PDE7B: variants seen among roughly 807,000 people sequenced by gnomAD.
PDE7B encodes the protein 3',5'-cyclic-AMP phosphodiesterase 7B.
A neutral mutation model predicts 56.2 loss-of-function variants in PDE7B; 29 were observed. The observed-to-expected ratio is 0.52, with a 90% CI of 0.38 to 0.70. The LOEUF is 0.70. Among genes scored for constraint, PDE7B ranks in the 30% least tolerant of loss-of-function variants. The pLI is 0.00. For missense variants in PDE7B, 490 were observed against 565.0 expected (o/e 0.87, Z 1.35); for synonymous variants, 197 against 196.9 (o/e 1.00, Z 0.00).
At chr6:136,115,410 T>C (rs1562496780) in intron 3 of PDE7B, among the ~76,000 whole-genome samples, 2 of 152,094 alleles carry the variant, frequency 1.3e-5, no homozygotes, top group South Asian at 4.2e-4. Flanking sequence ...AAAATACGCT[T>C]TAAGACTTAA....
chr6:135,871,646 TCTTAG>T (rs1775382265), intron 1 of PDE7B, among the ~76,000 whole-genome samples: 1 of 152,210 alleles, frequency 6.6e-6, no homozygotes, highest in Admixed American at 6.5e-5. Context: ...GGAAATCTAC[TCTTAG>T]CTTTGACAGC....
intron 3 of PDE7B, among the ~76,000 whole-genome samples, chr6:136,132,962 A>G (rs1778143467): frequency 6.6e-6 from 1 of 152,188 alleles, no homozygotes; most frequent in African/African-American, 2.4e-5. Flanking sequence ...ATCTCAATGC[A>G]CAGGTAAATT....
chr6:135,865,657 GGAGAGA>G lies in PDE7B; in HGVS notation c.21+13651_21+13656del, dbSNP rs138434061. ...TGTGTGTGTGTGTGTGTGTATGTGT[GGAGAGA>G]GAGAGAGAGAGACAGAGACAGAGAA... On this transcript the variant is annotated intron_variant, in intron 1 of 12. Transcript: ENST00000308191. Among the ~76,000 whole-genome samples the G allele has an allele frequency of 2.7e-5, 4 of 146,740 alleles. No homozygotes were observed. In the South Asian group the frequency reaches 8.5e-4, roughly 31 times the overall value.
chr6:136,007,465 A>T (rs1306005762), intron 2 of PDE7B, among the ~76,000 whole-genome samples: 1 of 152,068 alleles, frequency 6.6e-6, no homozygotes, highest in East Asian at 1.9e-4. Flanking sequence ...ATTTCTTCCC[A>T]GTTTATTATT....
Position 136,181,332 on chromosome 6 carries a change from T to C in PDE7B, c.1045+9T>C. 1.3e-6 allele frequency: 2 copies of C among 1,524,210 alleles called. No homozygotes were observed. The highest frequency in any genetic ancestry group is 1.8e-6 in the Non-Finnish European group (2 of 1,098,186). 94.4% of individuals were successfully genotyped at this position (1,524,210 alleles called of 1,614,324 possible). On this transcript the variant is annotated intron_variant, in intron 11 of 12. Coordinates refer to ENST00000308191, the MANE Select transcript of PDE7B (RefSeq NM_018945.4). Reference sequence around the variant, plus strand: ...AGAATTCTACAGGCAAGGTTAGTAGTGATCCAACAGCTGAGATTTCATTGC... The same window carrying C: ...AGAATTCTACAGGCAAGGTTAGTAGCGATCCAACAGCTGAGATTTCATTGC...
rs192674309 is a variant in PDE7B at position 136,022,091 on chromosome 6, C to T, written c.82+74567C>T. 1.2e-4 allele frequency among the ~76,000 whole-genome samples: 18 copies of T among 152,310 alleles called. No homozygotes were observed. In the East Asian group the frequency reaches 3.3e-3, roughly 28 times the overall value. On this transcript the variant is annotated intron_variant, in intron 2 of 12. Coordinates refer to ENST00000308191, the MANE Select transcript of PDE7B (RefSeq NM_018945.4). ...AAGGGTTGCTTTTTCTGCCTCAAGT[C>T]CTCTTCCGCCAAATCTCTGCCTGGT... is the stretch of plus-strand genomic sequence containing the variant.
At chr6:136,056,772 T>C (rs1776742893) in intron 2 of PDE7B, among the ~76,000 whole-genome samples, 1 of 152,056 alleles carries the variant, frequency 6.6e-6, no homozygotes, top group Non-Finnish European at 1.5e-5. Context: ...CTTCAGGTGA[T>C]CCACCTGCCT....
intron 8 of PDE7B, 30 bp from the exon 9 acceptor site, chr6:136,173,767 A>C (rs1474988310): frequency 1.4e-6 from 2 of 1,433,666 alleles, no homozygotes. Context: ...CTTCCCTCTC[A>C]TTTATAACTC....
rs1436649469 is a variant in PDE7B, at chr6:135,935,190, T to TTTTATATATATATA, written c.22-12273_22-12272insTTATATATATATAT. Among the ~76,000 whole-genome samples, 79 of 36,186 alleles carry TTTTATATATATATA rather than the reference T, an allele frequency of 2.2e-3. 4 individuals carry two copies. The highest frequency in any genetic ancestry group is 8.7e-3 in the African/African-American group (73 of 8,352). The allele number at this position is 36,186 out of a possible 152,430, so 23.7% of individuals were successfully genotyped here. On this transcript the variant is annotated intron_variant, in intron 1 of 12. Coordinates refer to ENST00000308191, the MANE Select transcript of PDE7B (RefSeq NM_018945.4). The stretch of plus-strand genomic sequence containing the variant: ...GAGAATTTTATATATATATATTTAT[T>TTTTATATATATATA]TATATATATATATATATATATATAT...
intron 2 of PDE7B, among the ~76,000 whole-genome samples, chr6:136,012,998 C>T (rs1218481082): frequency 6.6e-6 from 1 of 152,060 alleles, no homozygotes; most frequent in Non-Finnish European, 1.5e-5. Context: ...ACAAGACCAC[C>T]AGACGAAAGC....
At chr6:136,072,208 C>T (rs1209360410) in intron 2 of PDE7B, among the ~76,000 whole-genome samples, 2 of 151,916 alleles carry the variant, frequency 1.3e-5, no homozygotes, top group Non-Finnish European at 2.9e-5. Context: ...ATGGGGAAAA[C>T]AGAAAATAAA....
At chr6:135,940,041 G>T (rs1215918961) in intron 1 of PDE7B, among the ~76,000 whole-genome samples, 1 of 152,116 alleles carries the variant, frequency 6.6e-6, no homozygotes, top group Non-Finnish European at 1.5e-5. Context: ...AGTCCATAAA[G>T]ATTTTTTTTT....
intron 2 of PDE7B, among the ~76,000 whole-genome samples, chr6:135,948,890 GATAGA>G (rs1774640474): frequency 7.9e-6 from 1 of 126,496 alleles, no homozygotes; most frequent in African/African-American, 4.3e-5. Context: ...TAGATAGATA[GATAGA>G]TAGACAGACA....
intron 2 of PDE7B, among the ~76,000 whole-genome samples, chr6:136,092,941 A>C (rs1777413705): frequency 6.6e-6 from 1 of 152,222 alleles, no homozygotes; most frequent in Non-Finnish European, 1.5e-5. Context: ...AATGTTCTCA[A>C]CACACAAACA....
chr6:136,153,608 T>A (rs985130526), intron 6 of PDE7B, among the ~76,000 whole-genome samples: 4 of 152,206 alleles, frequency 2.6e-5, no homozygotes, highest in Non-Finnish European at 5.9e-5. Flanking sequence ...TTGCTTTCAT[T>A]GGTATTTGTT....
intron 2 of PDE7B, among the ~76,000 whole-genome samples, chr6:136,013,128 GA>G (rs1035650917): frequency 7.9e-5 from 12 of 152,038 alleles, no homozygotes; most frequent in South Asian, 6.2e-4. Context: ...AGTCAGAGGG[GA>G]AAAAAAACTT....
intron 9 of PDE7B, among the ~76,000 whole-genome samples, 187 bp downstream of exon 9, chr6:136,174,075 C>T (rs538951573): frequency 6.6e-6 from 1 of 152,254 alleles, no homozygotes; most frequent in East Asian, 1.9e-4. Context: ...CAAAATCTCT[C>T]TGTGTGCTTT....
intron 3 of PDE7B, among the ~76,000 whole-genome samples, chr6:136,139,768 C>A (rs1279994352): frequency 6.6e-6 from 1 of 152,194 alleles, no homozygotes; most frequent in Non-Finnish European, 1.5e-5. Context: ...TAAATGTCTT[C>A]TTTTGAGAAG....
rs1393245858 is a variant in PDE7B, at chr6:136,151,246, C to G, written c.469C>G (p.Arg157Gly). Residue 157 changes from arginine (R) to glycine (G), a missense_variant, in exon 6 of 13, where the codon CGA (arginine) becomes GGA (glycine). Coordinates refer to ENST00000308191, the MANE Select transcript of PDE7B (RefSeq NM_018945.4). ...CAAGTTAGATATGGTGACCTTACAC[C>G]GATTTTTAGGTAAGTCCTTTTTTTC... ...HFKLDMVTLH[R>G]FLVMVQEDYH... 1 of 1,573,338 alleles carries G rather than the reference C, an allele frequency of 6.4e-7. No homozygotes were observed. Among genetic ancestry groups the G allele is most frequent in the African/African-American group, 1.3e-5 (1 of 74,100 alleles).
Sources: gnomAD v4.1 joint callset for allele counts (sites outside exome capture counted in the v4.1 genomes callset) on GRCh38, gnomAD v4.1.1 for gene constraint, MANE v1.5 for transcripts, NCBI Gene and HGNC (gene_info 2026-07-23, HGNC 2026-07-21) for gene names.